MAF: variants seen among roughly 807,000 people sequenced by gnomAD.
MAF encodes the protein MAF bZIP transcription factor.
In MAF, 10 loss-of-function variants were observed where a neutral mutation model predicts 22.0. The ratio of observed to expected loss-of-function variants is 0.45; its 90% CI spans 0.28 to 0.77. MAF has a LOEUF of 0.77. Ranked by LOEUF, MAF falls within the 30% of genes least tolerant of loss-of-function variation. The probability of loss-of-function intolerance (pLI) is 0.12; values close to 1 mark genes in which losing one functional copy is unlikely to be tolerated. For synonymous variants in MAF, 337 were observed against 255.8 expected, an observed-to-expected ratio of 1.32 and a Z score of -3.03; for missense variants, 544 against 548.4, an observed-to-expected ratio of 0.99 and a Z score of 0.08.
chr16:79,453,358 G>C, the MAF span, among the ~76,000 whole-genome samples: 271 of 152,186 alleles, frequency 1.8e-3, no homozygotes, highest in Middle Eastern at 0.01. Flanking sequence ...GATGGCATCC[G>C]GTAACAATTT....
At chr16:79,367,601 G>T in the MAF span, among the ~76,000 whole-genome samples, 1 of 152,198 alleles carries the variant, frequency 6.6e-6, no homozygotes, top group African/African-American at 2.4e-5. Context: ...CTGCAGTGAT[G>T]GAAATGTTTT....
the MAF span, among the ~76,000 whole-genome samples, chr16:79,320,483 G>T: frequency 6.6e-6 from 1 of 152,180 alleles, no homozygotes; most frequent in African/African-American, 2.4e-5. Flanking sequence ...CCATCTGTGG[G>T]CTCTGAGGGC....
chr16:79,273,908 G>A, the MAF span, among the ~76,000 whole-genome samples: 1 of 151,092 alleles, frequency 6.6e-6, no homozygotes, highest in African/African-American at 2.4e-5. Flanking sequence ...CATAGCTGGA[G>A]GTCTGCAGAA....
At chr16:79,394,656 T>G in the MAF span, among the ~76,000 whole-genome samples, 3 of 152,156 alleles carry the variant, frequency 2.0e-5, no homozygotes, top group African/African-American at 2.4e-5. Context: ...GGAGAACTCA[T>G]AGAGAGCAGT....
At chr16:79,204,744 G>C in the MAF span, 3 of 152,264 alleles carry the variant, frequency 2.0e-5, no homozygotes, top group Middle Eastern at 6.8e-3. Context: ...GAACAAACAT[G>C]GCTTTGGACG....
At chr16:79,482,593 C>A in the MAF span, among the ~76,000 whole-genome samples, 1 of 152,172 alleles carries the variant, frequency 6.6e-6, no homozygotes, top group Non-Finnish European at 1.5e-5. Context: ...ACCACCTGCT[C>A]CTTCCCACAC....
chr16:79,589,411 T>G (rs943063294), downstream of MAF, among the ~76,000 whole-genome samples: 1 of 152,190 alleles, frequency 6.6e-6, no homozygotes, highest in Non-Finnish European at 1.5e-5. Flanking sequence ...TCCATAAAGA[T>G]TTTTAAACAT....
chr16:79,233,446 T>G, the MAF span, among the ~76,000 whole-genome samples: 1 of 151,874 alleles, frequency 6.6e-6, no homozygotes, highest in African/African-American at 2.4e-5. Flanking sequence ...TTGTGGAGAT[T>G]CAAGGTGGAT....
the MAF span, among the ~76,000 whole-genome samples, chr16:79,416,499 C>CAAA: frequency 0.015 from 2,053 of 139,948 alleles, 25 homozygotes; most frequent in East Asian, 0.041. Context: ...GGTTAAATTG[C>CAAA]AAAAAAAAAA....
At chr16:79,490,108 A>G in the MAF span, among the ~76,000 whole-genome samples, 2 of 152,344 alleles carry the variant, frequency 1.3e-5, 1 homozygote, top group South Asian at 4.2e-4. Flanking sequence ...AGGCAGTTAT[A>G]TTTCAAATCA....
the MAF span, among the ~76,000 whole-genome samples, chr16:79,556,762 T>A: frequency 6.6e-6 from 1 of 152,200 alleles, no homozygotes; most frequent in African/African-American, 2.4e-5. Context: ...CTCTATGCCA[T>A]GGGTAAGTTA....
chr16:79,345,570 G>C, the MAF span, among the ~76,000 whole-genome samples: 23 of 151,182 alleles, frequency 1.5e-4, no homozygotes, highest in African/African-American at 5.6e-4. Flanking sequence ...TCTACTAAAA[G>C]CACAAAAATT....
At chr16:79,212,433 A>ATTCTT in the MAF span, 3 of 299,626 alleles carry the variant, frequency 1.0e-5, no homozygotes, top group South Asian at 2.5e-4. Flanking sequence ...TATGCAAAAA[A>ATTCTT]TTCTTTAGAG....
the MAF span, among the ~76,000 whole-genome samples, chr16:79,379,654 T>G: frequency 6.6e-6 from 1 of 152,232 alleles, no homozygotes; most frequent in Non-Finnish European, 1.5e-5. Context: ...AGTGGTCACT[T>G]TGAATAAGTG....
chr16:79,238,740 T>G, the MAF span, among the ~76,000 whole-genome samples: 2 of 152,058 alleles, frequency 1.3e-5, no homozygotes, highest in Admixed American at 6.6e-5. Context: ...AAAAAATCAG[T>G]CATTTATTTG....
At chr16:79,495,790 T>C in the MAF span, among the ~76,000 whole-genome samples, 2 of 152,172 alleles carry the variant, frequency 1.3e-5, no homozygotes, top group South Asian at 2.1e-4. Context: ...AAACAGTCTC[T>C]ACACTGGTCC....
chr16:79,244,894 G>A, the MAF span, among the ~76,000 whole-genome samples: 3 of 151,894 alleles, frequency 2.0e-5, no homozygotes, highest in African/African-American at 4.8e-5. Context: ...ATGGAACAGA[G>A]GCCTCAGAAA....
chr16:79,436,156 C>T, the MAF span, among the ~76,000 whole-genome samples: 1 of 152,180 alleles, frequency 6.6e-6, no homozygotes, highest in Non-Finnish European at 1.5e-5. Flanking sequence ...GATCTCGGCT[C>T]ACTGCAACCT....
the MAF span, among the ~76,000 whole-genome samples, chr16:79,359,513 C>G: frequency 7.2e-5 from 11 of 152,312 alleles, 2 homozygotes; most frequent in African/African-American, 2.4e-4. Context: ...TTAATGTGCT[C>G]TATCAAGACA....
Sources: gnomAD v4.1 joint callset for allele counts (sites outside exome capture counted in the v4.1 genomes callset) on GRCh38, gnomAD v4.1.1 for gene constraint, MANE v1.5 for transcripts, NCBI Gene and HGNC (gene_info 2026-07-23, HGNC 2026-07-21) for gene names.